Variants in CNTNAP2 observed in about 807,000 individuals in gnomAD.
The protein encoded by CNTNAP2 is contactin associated protein 2, also known as contactin-associated protein-like 2.
A neutral mutation model predicts 155.2 loss-of-function variants in CNTNAP2; 98 were observed. The ratio of observed to expected loss-of-function variants is 0.63; its 90% CI spans 0.54 to 0.75. The LOEUF is 0.75. CNTNAP2 is among the 30% of genes least tolerant of loss of function. The pLI is 0.00. For missense variants in CNTNAP2, 1,727 were observed against 1,688.1 expected (o/e 1.02, Z -0.40); for synonymous variants, 651 against 631.2 (o/e 1.03, Z -0.47).
intron 1 of CNTNAP2, among the ~76,000 whole-genome samples, chr7:146,465,164 G>A (rs936970556): frequency 2.0e-4 from 30 of 151,954 alleles, no homozygotes; most frequent in African/African-American, 7.3e-4. Flanking sequence ...CCCTTTATTT[G>A]TGTTTGTGTT....
intron 2 of CNTNAP2, among the ~76,000 whole-genome samples, chr7:146,794,441 A>C (rs1802731764): frequency 6.6e-6 from 1 of 152,228 alleles, no homozygotes; most frequent in Admixed American, 6.5e-5. Flanking sequence ...AATATACCTC[A>C]TTAAAAATAA....
At chr7:146,344,398 T>C (rs1794786497) in intron 1 of CNTNAP2, among the ~76,000 whole-genome samples, 1 of 152,130 alleles carries the variant, frequency 6.6e-6, no homozygotes, top group South Asian at 2.1e-4. Context: ...ATATGTATCT[T>C]AAAATGATAT....
intron 10 of CNTNAP2, among the ~76,000 whole-genome samples, chr7:147,413,758 G>A: frequency 6.6e-6 from 1 of 152,068 alleles, no homozygotes; most frequent in East Asian, 1.9e-4. Flanking sequence ...GCTGCTTGTG[G>A]GCCACATCTT....
intron 9 of CNTNAP2, among the ~76,000 whole-genome samples, chr7:147,303,705 T>C (rs1794981409): frequency 6.6e-6 from 1 of 152,208 alleles, no homozygotes; most frequent in Non-Finnish European, 1.5e-5. Context: ...ATCTATTAAA[T>C]GGCAATAGAA....
intron 1 of CNTNAP2, among the ~76,000 whole-genome samples, chr7:146,216,792 A>G (rs936969547): frequency 3.9e-5 from 6 of 152,238 alleles, no homozygotes; most frequent in African/African-American, 1.4e-4. Context: ...GTTCTATTAA[A>G]GTGCATTATG....
At chr7:146,737,514 G>A (rs1801640705) in intron 1 of CNTNAP2, among the ~76,000 whole-genome samples, 1 of 152,046 alleles carries the variant, frequency 6.6e-6, no homozygotes, top group African/African-American at 2.4e-5. Flanking sequence ...ATATGAATGA[G>A]ATGGAACAGG....
intron 13 of CNTNAP2, among the ~76,000 whole-genome samples, chr7:147,644,038 G>T (rs140897671): frequency 0.015 from 2,289 of 152,084 alleles, 189 homozygotes; most frequent in Admixed American, 0.14. Flanking sequence ...GTCCATTCTC[G>T]CAATGTAACT....
At chr7:146,459,669 A>C (rs1796607641) in intron 1 of CNTNAP2, among the ~76,000 whole-genome samples, 1 of 152,166 alleles carries the variant, frequency 6.6e-6, no homozygotes, top group Non-Finnish European at 1.5e-5. Context: ...GGAGGTTTTA[A>C]AACACAAGGA....
chr7:147,158,833 A>C (rs1801973721), intron 8 of CNTNAP2, among the ~76,000 whole-genome samples: 1 of 152,134 alleles, frequency 6.6e-6, no homozygotes. Context: ...GGAGAGGAAT[A>C]AAACAGGCTC....
chr7:147,176,361 T>C (rs913496790), intron 8 of CNTNAP2, among the ~76,000 whole-genome samples: 2 of 152,160 alleles, frequency 1.3e-5, no homozygotes, highest in Non-Finnish European at 2.9e-5. Context: ...CCTCTTATTC[T>C]GTCATAGGAC....
At chr7:147,234,978 A>G (rs1034513695) in intron 8 of CNTNAP2, among the ~76,000 whole-genome samples, 2 of 152,142 alleles carry the variant, frequency 1.3e-5, no homozygotes, top group Admixed American at 6.5e-5. Flanking sequence ...GCTAGGACAC[A>G]GGGTGCCCAG....
intron 3 of CNTNAP2, among the ~76,000 whole-genome samples, chr7:146,840,982 A>C (rs1434851292): frequency 4.6e-5 from 7 of 152,224 alleles, no homozygotes; most frequent in Non-Finnish European, 8.8e-5. Flanking sequence ...AAGTAGTGGG[A>C]AAAATGCCTC....
At chr7:146,446,400 A>G (rs1483619827) in intron 1 of CNTNAP2, among the ~76,000 whole-genome samples, 1 of 147,108 alleles carries the variant, frequency 6.8e-6, no homozygotes. Context: ...TGGAATGCCC[A>G]AGGCTGAGGG....
At chr7:147,604,564 A>T (rs949675741) in intron 12 of CNTNAP2, among the ~76,000 whole-genome samples, 2 of 152,122 alleles carry the variant, frequency 1.3e-5, no homozygotes, top group Admixed American at 6.6e-5. Flanking sequence ...GGAGCCTGCT[A>T]CTTCTCTGCC....
chr7:147,195,603 G>A (rs1484714356), intron 8 of CNTNAP2, among the ~76,000 whole-genome samples: 1 of 151,962 alleles, frequency 6.6e-6, no homozygotes, highest in Non-Finnish European at 1.5e-5. Flanking sequence ...TTGAAAAGTG[G>A]TTTTTAGTTC....
intron 8 of CNTNAP2, among the ~76,000 whole-genome samples, chr7:147,262,017 T>G (rs1206469522): frequency 6.6e-6 from 1 of 152,206 alleles, no homozygotes; most frequent in Non-Finnish European, 1.5e-5. Context: ...TAAAGATTTT[T>G]GGGTGCTTAC....
At chr7:146,384,768 T>C (rs1269987785) in intron 1 of CNTNAP2, among the ~76,000 whole-genome samples, 1 of 152,184 alleles carries the variant, frequency 6.6e-6, no homozygotes, top group Non-Finnish European at 1.5e-5. Context: ...GGGTTTAAAG[T>C]TGGGACTATG....
chr7:146,485,345 C>A (rs1036623428), intron 1 of CNTNAP2, among the ~76,000 whole-genome samples: 1 of 152,176 alleles, frequency 6.6e-6, no homozygotes, highest in Non-Finnish European at 1.5e-5. Context: ...GTGCTATGTC[C>A]TGTGTACTTA....
At chr7:146,575,359 C>A (rs984083094) in intron 1 of CNTNAP2, among the ~76,000 whole-genome samples, 7 of 152,170 alleles carry the variant, frequency 4.6e-5, no homozygotes, top group Non-Finnish European at 8.8e-5. Flanking sequence ...TTGTGATCCA[C>A]CCGCCTCAGC....
Sources: gnomAD v4.1 joint callset for allele counts (sites outside exome capture counted in the v4.1 genomes callset) on GRCh38, gnomAD v4.1.1 for gene constraint, MANE v1.5 for transcripts, NCBI Gene and HGNC (gene_info 2026-07-23, HGNC 2026-07-21) for gene names.